Variants in SLC2A9 observed in about 807,000 individuals in gnomAD.
SLC2A9 encodes solute carrier family 2, facilitated glucose transporter member 9.
Under a neutral mutation model 50.6 loss-of-function variants are expected in SLC2A9, and 39 were observed. The ratio of observed to expected loss-of-function variants is 0.77; its 90% CI spans 0.60 to 1.01. The LOEUF (loss-of-function observed/expected upper bound fraction) is 1.01. Among genes scored for constraint, SLC2A9 ranks in the 50% least tolerant of loss-of-function variants. SLC2A9 has a pLI of 0.00. For synonymous variants in SLC2A9, 324 were observed against 276.9 expected, an observed-to-expected ratio of 1.17 and a Z score of -1.69; for missense variants, 686 against 677.6, an observed-to-expected ratio of 1.01 and a Z score of -0.14.
chr4:9,807,620 A>G (rs187406910), intron 3 of SLC2A9, among the ~76,000 whole-genome samples: 61 of 152,312 alleles, frequency 4.0e-4, no homozygotes, highest in Non-Finnish European at 7.3e-4. Context: ...GGCATTGCTG[A>G]GAAGCCACTT....
At chr4:10,033,805 C>G (rs577795367) in intron 1 of SLC2A9, among the ~76,000 whole-genome samples, 40 of 152,304 alleles carry the variant, frequency 2.6e-4, no homozygotes, top group Non-Finnish European at 4.1e-4. Flanking sequence ...GGTTGTCATC[C>G]CGGTGGTGGT....
intron 6 of SLC2A9, among the ~76,000 whole-genome samples, chr4:9,922,091 T>C (rs1254411224): frequency 6.6e-6 from 1 of 152,264 alleles, no homozygotes; most frequent in Non-Finnish European, 1.5e-5. Context: ...CATTCCTTTT[T>C]ATGGATTCAT....
intron 1 of SLC2A9, among the ~76,000 whole-genome samples, chr4:10,038,634 G>A (rs943320375): frequency 1.3e-5 from 2 of 151,820 alleles, no homozygotes; most frequent in African/African-American, 4.8e-5. Flanking sequence ...GAACTACTGT[G>A]TCAAATTCAA....
intron 3 of SLC2A9, among the ~76,000 whole-genome samples, chr4:9,814,218 C>T (rs571256768): frequency 1.3e-5 from 2 of 152,320 alleles, no homozygotes; most frequent in African/African-American, 2.4e-5. Flanking sequence ...AAACACTAGA[C>T]TCATTCTGGC....
chr4:9,830,465 T>C (rs1008839044), intron 11 of SLC2A9, among the ~76,000 whole-genome samples: 1 of 152,220 alleles, frequency 6.6e-6, no homozygotes, highest in Non-Finnish European at 1.5e-5. Context: ...CACCACGGCA[T>C]GTGTTTACTT....
At chr4:9,936,075 C>G (rs1316303327) in intron 6 of SLC2A9, among the ~76,000 whole-genome samples, 1 of 152,100 alleles carries the variant, frequency 6.6e-6, no homozygotes, top group East Asian at 1.9e-4. Context: ...GAAATTGGAG[C>G]CCTTCTGCCA....
At chr4:9,915,665 T>C (rs1043553966) in intron 7 of SLC2A9, among the ~76,000 whole-genome samples, 3 of 152,230 alleles carry the variant, frequency 2.0e-5, no homozygotes, top group Admixed American at 1.3e-4. Flanking sequence ...GCAAGCTGCA[T>C]GCAGGCAGAT....
intron 5 of SLC2A9, among the ~76,000 whole-genome samples, chr4:9,971,925 A>T (rs116258686): frequency 0.015 from 2,240 of 152,344 alleles, 67 homozygotes; most frequent in African/African-American, 0.05. Context: ...CTGCCTGTCC[A>T]ACCTTGGACT....
Position 9,879,194 on chromosome 4 carries a change from G to C in SLC2A9, c.1291+8373C>G, listed in dbSNP as rs192106108. The stretch of plus-strand genomic sequence containing the variant: ...GGGGATACACTAGGAGTTAATCTAG[G>C]GGGCTGTGGGAGCCCAGAGGGGCGG... On this transcript the variant is annotated intron_variant, in intron 10 of 11. Coordinates refer to ENST00000264784, the MANE Select transcript of SLC2A9 (RefSeq NM_020041.3). The C allele has an allele frequency of 6.3e-4, 619 of 985,284 alleles. 6 individuals are homozygous for C. In the African/African-American group the frequency reaches 0.01, roughly 17 times the overall value. 61.0% of individuals were successfully genotyped at this position (985,284 alleles called of 1,614,324 possible). A position where few individuals can be genotyped will look rare whatever the true frequency, so the allele number is the denominator to read the frequency against.
rs748271861 is a variant in SLC2A9 at position 9,834,915 on chromosome 4, T to C, written c.1385A>G (p.Asn462Ser). ...TGGGAAGAGGAGCCCAACAGCAAAG[T>C]TGGAGAGCCAGTTGACGGTGCCTGC... ...IIAGTVNWLS[N>S]FAVGLLFPFI... Residue 462 changes from asparagine (N) to serine (S), a missense_variant, in exon 11 of 12, where the codon AAC (asparagine) becomes AGC (serine). Physicochemically the swap from Asn to Ser is conservative, Grantham distance 46. Transcript: ENST00000264784. 13 of 1,613,984 alleles carry C rather than the reference T, an allele frequency of 8.1e-6. No homozygotes were observed. The highest frequency in any genetic ancestry group is 2.2e-5 in the East Asian group (1 of 44,886).
chr4:9,922,165 G>T (rs1174912657), intron 6 of SLC2A9, among the ~76,000 whole-genome samples: 6 of 152,106 alleles, frequency 3.9e-5, no homozygotes, highest in Non-Finnish European at 7.4e-5. Flanking sequence ...GGGCATTTGG[G>T]TTGATTCCAT....
intron 1 of SLC2A9, among the ~76,000 whole-genome samples, chr4:10,027,160 C>T (rs1289250424): frequency 6.6e-6 from 1 of 152,150 alleles, no homozygotes; most frequent in Non-Finnish European, 1.5e-5. Flanking sequence ...TCAGCGGTGG[C>T]CCAGGACTGG....
chr4:9,838,911 C>T lies in SLC2A9; in HGVS notation c.1292-3903G>A, dbSNP rs1392980262. On this transcript the variant is annotated intron_variant, in intron 10 of 11. Coordinates refer to ENST00000264784, the MANE Select transcript of SLC2A9 (RefSeq NM_020041.3). ...AAACTATAGAAACCCTGGAAGACAA[C>T]CTAGGCAATACCATTCGGCAAATAG... Among the ~76,000 whole-genome samples the T allele has an allele frequency of 2.6e-5, 4 of 152,174 alleles. No homozygotes were observed. The South Asian group carries it at 6.2e-4, about 24-fold the overall frequency.
upstream of SLC2A9, chr4:10,025,749 C>G: frequency 1.5e-6 from 1 of 670,322 alleles, no homozygotes; most frequent in Non-Finnish European, 2.6e-6. Context: ...ATCCCCATGG[C>G]TCCTTCCCAT....
At chr4:9,952,762 C>T (rs1178600380) in intron 5 of SLC2A9, among the ~76,000 whole-genome samples, 2 of 152,126 alleles carry the variant, frequency 1.3e-5, no homozygotes, top group Non-Finnish European at 2.9e-5. Context: ...TGGGTTCAAG[C>T]GATCTGCCTG....
rs200234557 is a variant in SLC2A9 at position 9,875,139 on chromosome 4, G to GCGTC, written c.1291+12427_1291+12428insGACG. ...TGTCTTTAGAAATGGCCATAGGTTA[G>GCGTC]TGTCTAAGATGGGATGCTGTGTCTT... On this transcript the variant is annotated intron_variant, in intron 10 of 11. Coordinates refer to ENST00000264784, the MANE Select transcript of SLC2A9 (RefSeq NM_020041.3). Among the ~76,000 whole-genome samples, 20 of 28,196 alleles carry GCGTC rather than the reference G, an allele frequency of 7.1e-4. 3 individuals carry two copies. The highest frequency in any genetic ancestry group is 1.1e-3 in the African/African-American group (7 of 6,198). The allele number at this position is 28,196 out of a possible 152,430, so 18.5% of individuals were successfully genotyped here. A position where few individuals can be genotyped will look rare whatever the true frequency, so the allele number is the denominator to read the frequency against.
chr4:9,783,824 G>A (rs779761982), intron 3 of SLC2A9: 4 of 218,770 alleles, frequency 1.8e-5, no homozygotes, highest in Non-Finnish European at 3.0e-5. Context: ...TGTTTGAATT[G>A]ATTTTTAAAC....
chr4:9,785,658 A>G (rs768104948), intron 3 of SLC2A9, among the ~76,000 whole-genome samples: 1 of 152,254 alleles, frequency 6.6e-6, no homozygotes, highest in African/African-American at 2.4e-5. Context: ...TCTGTAAAAT[A>G]TCACTCACCA....
intron 1 of SLC2A9, among the ~76,000 whole-genome samples, chr4:10,033,383 C>G (rs539617054): frequency 6.6e-6 from 1 of 152,200 alleles, no homozygotes; most frequent in African/African-American, 2.4e-5. Context: ...AAGCATGATT[C>G]TAGAACACCC....
Sources: gnomAD v4.1 joint callset for allele counts (sites outside exome capture counted in the v4.1 genomes callset) on GRCh38, gnomAD v4.1.1 for gene constraint, MANE v1.5 for transcripts, NCBI Gene and HGNC (gene_info 2026-07-23, HGNC 2026-07-21) for gene names.